NOL8: variants seen among roughly 807,000 people sequenced by gnomAD.
NOL8 encodes nucleolar protein 8.
NOL8 carries 93 observed loss-of-function variants against 116.1 expected under a neutral mutation model. That is an observed-to-expected ratio of 0.80 (90% CI 0.68 to 0.95). NOL8 has a LOEUF of 0.95. NOL8 is among the 40% of genes least tolerant of loss of function. The pLI, the probability that NOL8 is intolerant of heterozygous loss-of-function variation, is 0.00. For synonymous variants in NOL8, 419 were observed against 469.0 expected (o/e 0.89, Z 1.38); for missense variants, 1,291 against 1,382.8 (o/e 0.93, Z 1.05).
rs977360520 is a variant in NOL8 at position 92,313,763 on chromosome 9, C to G, written c.2358+504G>C. On this transcript the variant is annotated intron_variant, in intron 7 of 16. Coordinates refer to ENST00000442668, the MANE Select transcript of NOL8 (RefSeq NM_017948.6). ...CACTCAGCTCAGACTACAGAAGCTC[C>G]CAACTGACTTAGTGTGTCTCCTGCG... Among the ~76,000 whole-genome samples the G allele has an allele frequency of 3.9e-5, 6 of 152,188 alleles. 2 individuals are homozygous for G. Among genetic ancestry groups the G allele is most frequent in the Non-Finnish European group, 8.8e-5 (6 of 68,038 alleles).
chr9:92,302,532 T>C lies in NOL8; in HGVS notation c.2904-710A>G, dbSNP rs1020909388. Among the ~76,000 whole-genome samples the C allele has an allele frequency of 5.3e-5, 8 of 152,182 alleles. No individual in the cohort carries two copies. In the South Asian group the frequency reaches 1.0e-3, roughly 20 times the overall value. Reference sequence around the variant, plus strand: ...TAGAGACCATATCAAAGAGAGAAACTTTTAGTATTTCGGTAAATAAACCAA... The same window carrying C: ...TAGAGACCATATCAAAGAGAGAAACCTTTAGTATTTCGGTAAATAAACCAA... On this transcript the variant is annotated intron_variant, in intron 12 of 16. Coordinates refer to ENST00000442668, the MANE Select transcript of NOL8 (RefSeq NM_017948.6).
chr9:92,308,478 T>G (rs1838479224), intron 10 of NOL8, among the ~76,000 whole-genome samples: 1 of 151,960 alleles, frequency 6.6e-6, no homozygotes, highest in South Asian at 2.1e-4. Context: ...ACTTGCTGAG[T>G]TTTAACACAA....
At chr9:92,304,596 C>G (rs1224528542) in intron 12 of NOL8, among the ~76,000 whole-genome samples, 3 of 152,090 alleles carry the variant, frequency 2.0e-5, no homozygotes, top group Non-Finnish European at 4.4e-5. Context: ...ACACATATAT[C>G]CTACATTGGA....
At chr9:92,323,602 C>T (rs1382449001) in intron 2 of NOL8, 99 bp from the exon 3 acceptor site, 6 of 895,768 alleles carry the variant, frequency 6.7e-6, no homozygotes, top group Non-Finnish European at 9.8e-6. Flanking sequence ...AAAAAAATAG[C>T]TCTTGAAAAC....
At chr9:92,300,855 T>C (rs72750477) in intron 13 of NOL8, 39,528 of 1,052,038 alleles carry the variant, frequency 0.038, 876 homozygotes, top group South Asian at 0.074. Flanking sequence ...CAAACACATG[T>C]ATGCTATTTT....
At chr9:92,302,338 A>G (rs749863560) in intron 12 of NOL8, among the ~76,000 whole-genome samples, 3 of 152,234 alleles carry the variant, frequency 2.0e-5, no homozygotes, top group Non-Finnish European at 4.4e-5. Flanking sequence ...AGGAATGAAT[A>G]TGCTTTTCTC....
At chr9:92,311,948 C>G (rs535236243) in intron 7 of NOL8, among the ~76,000 whole-genome samples, 1 of 152,170 alleles carries the variant, frequency 6.6e-6, no homozygotes, top group Admixed American at 6.5e-5. Flanking sequence ...CGAAATCAAC[C>G]TAGATGCCCA....
At chr9:92,299,075 C>A (rs1365870424) in intron 14 of NOL8, 121 bp from the exon 15 acceptor site, 1 of 490,034 alleles carries the variant, frequency 2.0e-6, no homozygotes, top group Non-Finnish European at 3.5e-6. Flanking sequence ...TATCTTTTTT[C>A]ATTTCCCCCT....
rs1421739039 is a variant in NOL8 at position 92,314,827 on chromosome 9, G to T, written c.1798C>A (p.Gln600Lys). ...KDSVASNNKD[Q>K]NSMKHEDPSI... ...GGATCCTCATGTTTCATGGAATTCT[G>T]ATCTTTATTGTTAGAGGCAACACTG... The change falls in exon 7 of 17, where the codon CAG (glutamine) becomes AAG (lysine). Residue 600 changes from glutamine to lysine, a missense_variant. By Grantham distance (53) the Gln-to-Lys change is moderately conservative. Transcript: ENST00000442668. The T allele has an allele frequency of 6.2e-7, 1 of 1,613,248 alleles. No homozygotes were observed. The highest frequency in any genetic ancestry group is 2.2e-5 in the East Asian group (1 of 44,884).
chr9:92,315,965 T>C lies in NOL8; in HGVS notation c.660A>G (p.Ile220Met), dbSNP rs376921826. The C allele has an allele frequency of 3.7e-6, 6 of 1,613,840 alleles. No individual in the cohort carries two copies. The African/African-American group carries it at 5.3e-5, about 14-fold the overall frequency. Residue 220 changes from isoleucine (I) to methionine (M), a missense_variant, in exon 7 of 17, where the codon ATA (isoleucine) becomes ATG (methionine). By Grantham distance (10) the Ile-to-Met change is conservative. Coordinates refer to ENST00000442668, the MANE Select transcript of NOL8 (RefSeq NM_017948.6). ...FSDFHGPPKK[I>M]IKVQKDESST... ...AACTCTCATCCTTCTGCACTTTTATTATCTTCTTGGGAGGGCCATGAAAGT... is the reference window on the plus strand; with the variant it reads ...AACTCTCATCCTTCTGCACTTTTATCATCTTCTTGGGAGGGCCATGAAAGT...
chr9:92,310,475 T>G, intron 9 of NOL8, 78 bp downstream of exon 9: 1 of 1,482,808 alleles, frequency 6.7e-7, no homozygotes, highest in Non-Finnish European at 9.1e-7. Context: ...AAGGTCTGCC[T>G]GCATTTACCC....
At chr9:92,319,060 T>C (rs1464165766) in intron 5 of NOL8, 161 bp downstream of exon 5, 2 of 676,254 alleles carry the variant, frequency 3.0e-6, no homozygotes, top group African/African-American at 3.8e-5. Flanking sequence ...TACCTAAGAG[T>C]TGTAAATGCA....
At chr9:92,305,720 G>T in intron 12 of NOL8, 33 bp downstream of exon 12, 3 of 1,378,370 alleles carry the variant, frequency 2.2e-6, no homozygotes, top group South Asian at 1.2e-5. Context: ...TAATTTACAT[G>T]ATCCTATTGC....
In NOL8 at chr9:92,314,440, T is replaced by G. The variant is rs781052665; in HGVS notation, c.2185A>C (p.Lys729Gln). Reference protein sequence around the residue: ...SLKKSPKVSSKDTREIKTDFS... With the variant: ...SLKKSPKVSSQDTREIKTDFS... The stretch of plus-strand genomic sequence containing the variant: ...TCAGTTTTGATTTCCCGAGTGTCCT[T>G]GGATGAGACCTTTGGTGATTTCTTG... The change falls in exon 7 of 17, where the codon AAG becomes CAG. Residue 729 changes from lysine (K) to glutamine (Q), a missense_variant. By Grantham distance (53) the Lys-to-Gln change is moderately conservative (BLOSUM62 1). Transcript: ENST00000442668. 1.2e-6 allele frequency: 2 copies of G among 1,613,368 alleles called. No homozygotes were observed. The highest frequency in any genetic ancestry group is 1.7e-6 in the Non-Finnish European group (2 of 1,179,408).
chr9:92,315,760 C>G lies in NOL8; in HGVS notation c.865G>C (p.Glu289Gln). ...KNLPFKTSGL[E>Q]TAKKRNSISD... ...ATGCTGTTTCTCTTCTTGGCAGTTT[C>G]CAAGCCAGAAGTCTTAAAAGGTAGA... is the stretch of plus-strand genomic sequence containing the variant. The change falls in exon 7 of 17, where the codon GAA (glutamate) becomes CAA (glutamine). Residue 289 changes from glutamate to glutamine, a missense_variant. By Grantham distance (29) the Glu-to-Gln change is conservative (BLOSUM62 2). Transcript: ENST00000442668. 4 of 1,613,554 alleles carry G rather than the reference C, an allele frequency of 2.5e-6. No individual in the cohort carries two copies. The highest frequency in any genetic ancestry group is 2.5e-6 in the Non-Finnish European group (3 of 1,179,690).
intron 11 of NOL8, among the ~76,000 whole-genome samples, chr9:92,306,655 C>T (rs993652651): frequency 6.6e-6 from 1 of 152,172 alleles, no homozygotes; most frequent in African/African-American, 2.4e-5. Context: ...ATTTGTTTCA[C>T]TAATGAAAGC....
rs534168511 is a variant in NOL8, at chr9:92,315,784, G to A, written c.841C>T (p.Leu281=). ...PVSDTQKLKN[L]PFKTSGLETA... is the part of the protein sequence containing the mutation. ...TCCAAGCCAGAAGTCTTAAAAGGTAGATTTTTAAGTTTCTGAGTATCAGAA... is the reference window on the plus strand; with the variant it reads ...TCCAAGCCAGAAGTCTTAAAAGGTAAATTTTTAAGTTTCTGAGTATCAGAA... The change falls in exon 7 of 17, where the codon CTA becomes TTA. Residue 281 remains leucine, a synonymous_variant. Coordinates refer to ENST00000442668, the MANE Select transcript of NOL8 (RefSeq NM_017948.6). 1.9e-6 allele frequency: 3 copies of A among 1,613,714 alleles called. No individual in the cohort carries two copies. Among genetic ancestry groups the A allele is most frequent in the Admixed American group, 1.7e-5 (1 of 59,964 alleles).
In NOL8 at chr9:92,298,919, A is replaced by C; in HGVS notation, c.3338T>G (p.Phe1113Cys). ...ASLLEKETTR[F>C]FFFSKNDERL... is the part of the protein sequence containing the mutation. ...TTCATCATTCTTAGAGAAAAAGAAA[A>C]ATCTAGTGGTCTCTTTCTCAAGTAA... is the stretch of plus-strand genomic sequence containing the variant. Residue 1113 changes from phenylalanine to cysteine, a missense_variant, in exon 15 of 17, where the codon TTT becomes TGT. Transcript: ENST00000442668. 2 of 1,536,714 alleles carry C rather than the reference A, an allele frequency of 1.3e-6. No homozygotes were observed. Among genetic ancestry groups the C allele is most frequent in the Non-Finnish European group, 1.8e-6 (2 of 1,138,492 alleles).
intron 2 of NOL8, among the ~76,000 whole-genome samples, chr9:92,323,723 C>T (rs2130749312): frequency 6.6e-6 from 1 of 150,442 alleles, no homozygotes; most frequent in South Asian, 2.1e-4. Flanking sequence ...GATAAGGAAA[C>T]ATTTTGATTG....
Sources: allele counts gnomAD v4.1 joint callset (sites outside exome capture counted in the v4.1 genomes callset), GRCh38; gene constraint gnomAD v4.1.1; transcripts MANE v1.5; gene names NCBI Gene and HGNC (gene_info 2026-07-23, HGNC 2026-07-21).